The following ARHGAP5 variants were observed in gnomAD, a reference collection of about 807,000 sequenced individuals.
ARHGAP5 encodes the protein rho GTPase-activating protein 5.
In ARHGAP5, 23 loss-of-function variants were observed where a neutral mutation model predicts 116.6. The ratio of observed to expected loss-of-function variants is 0.20; its 90% CI spans 0.14 to 0.28. The LOEUF is 0.28. Among genes scored for constraint, ARHGAP5 ranks in the 10% least tolerant of loss-of-function variants. ARHGAP5 has a pLI of 1.00. For synonymous variants in ARHGAP5, 574 were observed against 602.0 expected (o/e 0.95, Z 0.68); for missense variants, 1,405 against 1,774.8 (o/e 0.79, Z 3.74).
At chr14:32,127,326 C>G (rs994342772) in intron 3 of ARHGAP5, among the ~76,000 whole-genome samples, 3 of 152,110 alleles carry the variant, frequency 2.0e-5, no homozygotes, top group African/African-American at 7.2e-5. Context: ...CTGCAGCCTT[C>G]GGCAGTGTTT....
At chr14:32,153,811 C>T (rs570049226) in intron 6 of ARHGAP5, among the ~76,000 whole-genome samples, 9 of 151,090 alleles carry the variant, frequency 6.0e-5, no homozygotes, top group South Asian at 4.2e-4. Context: ...CAGCCAGATG[C>T]GGTGGCTCAA....
At position 32,157,822 on chromosome 14, in the gene ARHGAP5, G is replaced by A. The variant is rs1378762007; in HGVS notation, c.*2874G>A. On this transcript the variant is annotated 3_prime_UTR_variant, in exon 7 of 7. Coordinates refer to ENST00000345122, the MANE Select transcript of ARHGAP5 (RefSeq NM_001030055.2). The stretch of plus-strand genomic sequence containing the variant: ...TAGACCTGGGTTTTTTTGTTTATTT[G>A]GGTTTGTTTTTTTTTTTGAGGTACT... 6.7e-6 allele frequency: 1 copy of A among 149,788 alleles called. No individual in the cohort carries two copies. Among genetic ancestry groups the A allele is most frequent in the Non-Finnish European group, 1.5e-5 (1 of 67,174 alleles). The allele number at this position is 149,788 out of a possible 1,614,324, so 9.3% of individuals were successfully genotyped here. A position where few individuals can be genotyped will look rare whatever the true frequency, so the allele number is the denominator to read the frequency against.
chr14:32,097,632 AAAAG>A (rs1878593033), intron 2 of ARHGAP5, among the ~76,000 whole-genome samples: 1 of 152,204 alleles, frequency 6.6e-6, no homozygotes, highest in Non-Finnish European at 1.5e-5. Context: ...AAAGATAAGA[AAAAG>A]AAAAGCATGA....
rs1436332102 is a variant in ARHGAP5 at position 32,156,321 on chromosome 14, A to ATT, written c.*1375_*1376dup. The ATT allele has an allele frequency of 1.3e-5, 2 of 152,394 alleles. No individual in the cohort carries two copies. Among genetic ancestry groups the ATT allele is most frequent in the South Asian group, 4.1e-4 (2 of 4,828 alleles). 9.4% of individuals were successfully genotyped at this position (152,394 alleles called of 1,614,324 possible). ...CAATGTTATCTTAATTCATACTACAATTTAAGATTATCTTATGTGTATTAT... is the reference window on the plus strand; with the variant it reads ...CAATGTTATCTTAATTCATACTACAATTTTTAAGATTATCTTATGTGTATTAT... On this transcript the variant is annotated 3_prime_UTR_variant, in exon 7 of 7. Transcript: ENST00000345122.
At chr14:32,123,109 A>G (rs1292244556) in intron 3 of ARHGAP5, among the ~76,000 whole-genome samples, 1 of 151,968 alleles carries the variant, frequency 6.6e-6, no homozygotes, top group Non-Finnish European at 1.5e-5. Flanking sequence ...AACCCCCAAT[A>G]CTTTAAGATT....
In ARHGAP5 at chr14:32,142,527, C is replaced by T. The variant is rs372929380; in HGVS notation, c.3866-3736C>T. On this transcript the variant is annotated intron_variant, in intron 3 of 6. Transcript: ENST00000345122. Reference sequence around the variant, plus strand: ...TCACTTTGCGGTGATTTGTTAGTTTCTTTAAATATCTGGAGCCAAGGGAAA... The same window carrying T: ...TCACTTTGCGGTGATTTGTTAGTTTTTTTAAATATCTGGAGCCAAGGGAAA... Among the ~76,000 whole-genome samples the T allele has an allele frequency of 3.0e-4, 46 of 152,290 alleles. No homozygotes were observed. In the East Asian group the frequency reaches 7.9e-3, roughly 26 times the overall value.
At chr14:32,123,589 G>C (rs1879999579) in intron 3 of ARHGAP5, among the ~76,000 whole-genome samples, 2 of 151,562 alleles carry the variant, frequency 1.3e-5, no homozygotes, top group Non-Finnish European at 2.9e-5. Context: ...TCTGCTTCTT[G>C]TTTTGATAGT....
chr14:32,105,915 C>G (rs1448226647), intron 2 of ARHGAP5, among the ~76,000 whole-genome samples: 2 of 152,138 alleles, frequency 1.3e-5, no homozygotes, highest in Non-Finnish European at 2.9e-5. Context: ...CCATAATGCC[C>G]TTGAGATTCA....
intron 3 of ARHGAP5, among the ~76,000 whole-genome samples, chr14:32,142,300 T>TGA (rs1252338254): frequency 6.6e-6 from 1 of 152,222 alleles, no homozygotes; most frequent in East Asian, 1.9e-4. Flanking sequence ...ACTTTCTTGT[T>TGA]TCTTTGTATG....
At chr14:32,115,397 C>T (rs1360132037) in intron 2 of ARHGAP5, among the ~76,000 whole-genome samples, 1 of 152,140 alleles carries the variant, frequency 6.6e-6, no homozygotes, top group Admixed American at 6.5e-5. Flanking sequence ...GGAGCGGTGG[C>T]TCATGCCTGT....
chr14:32,090,481 C>G, intron 1 of ARHGAP5, 21 bp from the exon 2 acceptor site: 1 of 515,194 alleles, frequency 1.9e-6, no homozygotes, highest in Non-Finnish European at 3.4e-6. Flanking sequence ...AAGATTTGTT[C>G]TTTTTCTCCC....
Position 32,158,462 on chromosome 14 carries a change from A to T in ARHGAP5, c.*3514A>T, listed in dbSNP as rs1333118815. ...CTGGAAATATTTTGAAAACTATTCT[A>T]GTTATAGCAGAGCTGCTAATATTAA... On this transcript the variant is annotated 3_prime_UTR_variant, in exon 7 of 7. Coordinates refer to ENST00000345122, the MANE Select transcript of ARHGAP5 (RefSeq NM_001030055.2). 1 of 151,978 alleles carries T rather than the reference A, an allele frequency of 6.6e-6. No individual in the cohort carries two copies. The highest frequency in any genetic ancestry group is 2.4e-5 in the African/African-American group (1 of 41,442). The allele number at this position is 151,978 out of a possible 1,614,324, so 9.4% of individuals were successfully genotyped here. A position where few individuals can be genotyped will look rare whatever the true frequency, so the allele number is the denominator to read the frequency against.
At chr14:32,095,964 A>T (rs1878506553) in intron 2 of ARHGAP5, among the ~76,000 whole-genome samples, 1 of 152,156 alleles carries the variant, frequency 6.6e-6, no homozygotes. Flanking sequence ...TTTGTTCACA[A>T]GCCTAATTGC....
intron 3 of ARHGAP5, among the ~76,000 whole-genome samples, chr14:32,127,237 G>C (rs1263771737): frequency 6.6e-6 from 1 of 151,708 alleles, no homozygotes; most frequent in Non-Finnish European, 1.5e-5. Flanking sequence ...GATTTGGCAG[G>C]GTCATAGGAC....
At position 32,113,442 on chromosome 14, in the gene ARHGAP5, A is replaced by G. The variant is rs184560059; in HGVS notation, c.3718-3698A>G. On this transcript the variant is annotated intron_variant, in intron 2 of 6. Coordinates refer to ENST00000345122, the MANE Select transcript of ARHGAP5 (RefSeq NM_001030055.2). ...ACTGTCAGAGCAGTTCTTTATTTCT[A>G]AAGTATCCCTTTTGAATTGGCCAGA... 1.6e-4 allele frequency among the ~76,000 whole-genome samples: 25 copies of G among 152,218 alleles called. No homozygotes were observed. The East Asian group carries it at 4.8e-3, about 29-fold the overall frequency.
chr14:32,104,005 G>T (rs1210446759), intron 2 of ARHGAP5, among the ~76,000 whole-genome samples: 1 of 152,144 alleles, frequency 6.6e-6, no homozygotes, highest in African/African-American at 2.4e-5. Flanking sequence ...ATTGTTCTTA[G>T]CCTTTGAAAA....
At chr14:32,119,348 T>G (rs946597640) in intron 3 of ARHGAP5, among the ~76,000 whole-genome samples, 3 of 152,142 alleles carry the variant, frequency 2.0e-5, no homozygotes, top group Admixed American at 2.0e-4. Context: ...TTATAGATCC[T>G]TAGATGTAGT....
chr14:32,159,071 CTT>C lies in ARHGAP5; in HGVS notation c.*4126_*4127del, dbSNP rs879433969. 1.1e-4 allele frequency: 17 copies of C among 151,984 alleles called. No individual in the cohort carries two copies. The highest frequency in any genetic ancestry group is 1.6e-4 in the Non-Finnish European group (11 of 67,942). 9.4% of individuals were successfully genotyped at this position (151,984 alleles called of 1,614,324 possible). On this transcript the variant is annotated 3_prime_UTR_variant, in exon 7 of 7. Coordinates refer to ENST00000345122, the MANE Select transcript of ARHGAP5 (RefSeq NM_001030055.2). ...CTTAATTAAATTGTGTGAAATTAGT[CTT>C]TTGTGGAAATTCTGTAGGCAGTATG... is the stretch of plus-strand genomic sequence containing the variant.
chr14:32,128,304 C>T (rs1225142907), intron 3 of ARHGAP5, among the ~76,000 whole-genome samples: 1 of 152,250 alleles, frequency 6.6e-6, no homozygotes, highest in African/African-American at 2.4e-5. Flanking sequence ...GCCGCAATCT[C>T]AGCACTTTGG....
Sources: gnomAD v4.1 joint callset for allele counts (sites outside exome capture counted in the v4.1 genomes callset) on GRCh38, gnomAD v4.1.1 for gene constraint, MANE v1.5 for transcripts, NCBI Gene and HGNC (gene_info 2026-07-23, HGNC 2026-07-21) for gene names.